The following KLRK1 variants were observed in gnomAD, a reference collection of about 807,000 sequenced individuals.
KLRK1 encodes killer cell lectin like receptor K1.
KLRK1 carries 40 observed loss-of-function variants against 31.3 expected under a neutral mutation model. The ratio of observed to expected loss-of-function variants is 1.28; its 90% CI spans 0.99 to 1.67. The LOEUF (loss-of-function observed/expected upper bound fraction) is 1.67, where lower values mean the gene tolerates loss of function less well. Among genes scored for constraint, KLRK1 ranks in the 40% most tolerant of loss-of-function variants. KLRK1 has a pLI of 0.00. For synonymous variants in KLRK1, 77 were observed against 77.3 expected (o/e 1.00, Z 0.02); for missense variants, 251 against 260.0 (o/e 0.97, Z 0.24).
intron 7 of KLRK1, among the ~76,000 whole-genome samples, chr12:10,376,635 TA>T (rs1374744108): frequency 6.6e-6 from 1 of 151,956 alleles, no homozygotes; most frequent in African/African-American, 2.4e-5. Context: ...TAACCTACTA[TA>T]AGAAGACAGT....
At chr12:10,378,930 A>G in intron 5 of KLRK1, 4 of 391,194 alleles carry the variant, frequency 1.0e-5, no homozygotes, top group Non-Finnish European at 1.7e-5. Flanking sequence ...AAGGCAGGTG[A>G]CTCACTTGAG....
intron 2 of KLRK1, 82 bp from the exon 3 acceptor site, chr12:10,387,092 T>G: frequency 9.5e-7 from 1 of 1,048,980 alleles, no homozygotes; most frequent in Non-Finnish European, 1.4e-6. Flanking sequence ...CAGCTTGCCA[T>G]TTCCATCTAT....
Position 10,386,951 on chromosome 12 carries a change from A to G in KLRK1, c.100T>C (p.Trp34Arg), listed in dbSNP as rs1481643613. 1.9e-6 allele frequency: 3 copies of G among 1,611,778 alleles called. No homozygotes were observed. Among genetic ancestry groups the G allele is most frequent in the Non-Finnish European group, 2.5e-6 (3 of 1,178,932 alleles). ...DLKKSDFSTR[W>R]QKQRCPVVKS... ...ACTACTGGACATCTTTGCTTTTGCC[A>G]TCGTGTTGAAAAATCACTCTTCTTC... The change falls in exon 3 of 8, where the codon TGG (tryptophan) becomes CGG (arginine). Residue 34 changes from tryptophan to arginine, a missense_variant. Trp to Arg is a moderately radical substitution (Grantham distance 101). Transcript: ENST00000240618.
chr12:10,380,311 C>T (rs577484533), intron 3 of KLRK1, among the ~76,000 whole-genome samples: 201 of 152,182 alleles, frequency 1.3e-3, no homozygotes, highest in Middle Eastern at 6.8e-3. Flanking sequence ...GTGATCCGCC[C>T]GCCTCGGCCT....
intron 7 of KLRK1, among the ~76,000 whole-genome samples, chr12:10,377,076 C>G (rs909838697): frequency 1.3e-5 from 2 of 152,284 alleles, no homozygotes; most frequent in African/African-American, 4.8e-5. Context: ...CTCGGCCTCC[C>G]AAAGTGCTGG....
At position 10,379,008 on chromosome 12, in the gene KLRK1, G is replaced by T. The variant is rs942184580; in HGVS notation, c.278-303C>A. ...GCCTCTACTAAAAATACAAAAATTA[G>T]CCGGGTGTGGTGGCTCACGCCTGCA... is the stretch of plus-strand genomic sequence containing the variant. On this transcript the variant is annotated intron_variant, in intron 5 of 7. Transcript: ENST00000240618. The T allele has an allele frequency of 3.5e-5, 7 of 201,512 alleles. No homozygotes were observed. The Admixed American group carries it at 3.6e-4, about 10-fold the overall frequency. The allele number at this position is 201,512 out of a possible 1,614,324, so 12.5% of individuals were successfully genotyped here. A position where few individuals can be genotyped will look rare whatever the true frequency, so the allele number is the denominator to read the frequency against.
In KLRK1 at chr12:10,378,908, C is replaced by CTT. The variant is rs539434500; in HGVS notation, c.278-205_278-204dup. 1.9e-3 allele frequency: 959 copies of CTT among 502,278 alleles called. 8 individuals are homozygous for CTT. The highest frequency in any genetic ancestry group is 9.4e-3 in the South Asian group (247 of 26,208). 31.1% of individuals were successfully genotyped at this position (502,278 alleles called of 1,614,324 possible). ...GTGTCTCATGCCTGTAATCCTAGCACTTTGGGAGGCCAAGGCAGGTGACTC... is the reference window on the plus strand; with the variant it reads ...GTGTCTCATGCCTGTAATCCTAGCACTTTTTGGGAGGCCAAGGCAGGTGACTC... On this transcript the variant is annotated intron_variant, in intron 5 of 7. Coordinates refer to ENST00000240618, the MANE Select transcript of KLRK1 (RefSeq NM_007360.4).
At chr12:10,385,714 A>C (rs1165759166) in intron 3 of KLRK1, among the ~76,000 whole-genome samples, 2 of 152,116 alleles carry the variant, frequency 1.3e-5, no homozygotes, top group East Asian at 3.9e-4. Flanking sequence ...GAGTACTGTT[A>C]AGAGTAATTT....
chr12:10,379,326 A>T, intron 5 of KLRK1, 121 bp downstream of exon 5: 1 of 422,492 alleles, frequency 2.4e-6, no homozygotes, highest in Non-Finnish European at 3.9e-6. Flanking sequence ...CAGAAGCCAT[A>T]GTGTATTACA....
intron 3 of KLRK1, among the ~76,000 whole-genome samples, chr12:10,380,403 A>G (rs1270119078): frequency 2.0e-5 from 3 of 152,178 alleles, no homozygotes; most frequent in Admixed American, 6.5e-5. Flanking sequence ...TAATAAACAT[A>G]AAGAAGGAGG....
At position 10,378,204 on chromosome 12, in the gene KLRK1, C is replaced by T. The variant is rs1335407968; in HGVS notation, c.461G>A (p.Trp154Ter). 9 of 1,613,924 alleles carry T rather than the reference C, an allele frequency of 5.6e-6. No homozygotes were observed. The highest frequency in any genetic ancestry group is 6.8e-6 in the Non-Finnish European group (8 of 1,179,942). The change falls in exon 7 of 8, where the codon TGG (tryptophan) becomes TAG (stop). Residue 154 changes from tryptophan (W) to a stop codon, truncating the protein, a stop_gained. Coordinates refer to ENST00000240618, the MANE Select transcript of KLRK1 (RefSeq NM_007360.4). LOFTEE classifies it high-confidence loss of function. Reference sequence around the variant, plus strand: ...TGTTGGAATGTGTACTAGTCCCATCCAATGATATGACTTCACCAGTTTAAG... The same window carrying T: ...TGTTGGAATGTGTACTAGTCCCATCTAATGATATGACTTCACCAGTTTAAG... ...DLLKLVKSYH[W>*]MGLVHIPTNG...
chr12:10,379,570 A>G (rs1863032205), intron 4 of KLRK1, 88 bp from the exon 5 acceptor site: 1 of 1,313,114 alleles, frequency 7.6e-7, no homozygotes, highest in South Asian at 1.6e-5. Flanking sequence ...CTGGACTAAT[A>G]GCAAAAATGT....
chr12:10,384,227 C>T (rs187884829), intron 3 of KLRK1, among the ~76,000 whole-genome samples: 324 of 152,110 alleles, frequency 2.1e-3, no homozygotes, highest in African/African-American at 7.4e-3. Flanking sequence ...ATACCAGTAA[C>T]ATTCTCTACA....
At chr12:10,376,548 T>C (rs369350167) in intron 7 of KLRK1, among the ~76,000 whole-genome samples, 13 of 152,256 alleles carry the variant, frequency 8.5e-5, no homozygotes, top group East Asian at 7.7e-4. Context: ...CACATATTAA[T>C]AGTATAACTT....
chr12:10,380,249 TAG>T (rs1368735641), intron 3 of KLRK1, among the ~76,000 whole-genome samples: 1 of 152,008 alleles, frequency 6.6e-6, no homozygotes, highest in Non-Finnish European at 1.5e-5. Context: ...GTATTTTTAG[TAG>T]AGATAGGGTT....
At chr12:10,384,222 A>C (rs1863126298) in intron 3 of KLRK1, among the ~76,000 whole-genome samples, 1 of 152,088 alleles carries the variant, frequency 6.6e-6, no homozygotes, top group Non-Finnish European at 1.5e-5. Context: ...ACACGATACC[A>C]GTAACATTCT....
intron 7 of KLRK1, among the ~76,000 whole-genome samples, chr12:10,374,679 T>A (rs113684978): frequency 1.5e-4 from 23 of 152,196 alleles, no homozygotes; most frequent in African/African-American, 5.5e-4. Flanking sequence ...GCACCCGGCC[T>A]CATTCTTTTT....
chr12:10,383,548 A>C (rs929730236), intron 3 of KLRK1, among the ~76,000 whole-genome samples: 2 of 152,126 alleles, frequency 1.3e-5, no homozygotes, highest in African/African-American at 4.8e-5. Flanking sequence ...GAATACAATA[A>C]GGGCAGGGGA....
chr12:10,378,053 A>G, intron 7 of KLRK1, 79 bp downstream of exon 7: 1 of 1,373,402 alleles, frequency 7.3e-7, no homozygotes, highest in Non-Finnish European at 1.0e-6. Flanking sequence ...GGATTATGTG[A>G]GATGAGTGAT....
Sources: allele counts gnomAD v4.1 joint callset (sites outside exome capture counted in the v4.1 genomes callset), GRCh38; gene constraint gnomAD v4.1.1; transcripts MANE v1.5; gene names NCBI Gene and HGNC (gene_info 2026-07-23, HGNC 2026-07-21).